Variants in DNAJC1 observed in about 807,000 individuals in gnomAD.
DNAJC1 encodes DnaJ heat shock protein family (Hsp40) member C1.
DNAJC1 carries 58 observed loss-of-function variants against 76.6 expected under a neutral mutation model. The observed-to-expected ratio is 0.76, with a 90% CI of 0.61 to 0.94. The LOEUF (loss-of-function observed/expected upper bound fraction) is 0.94. Ranked by LOEUF, DNAJC1 falls within the 40% of genes least tolerant of loss-of-function variation. DNAJC1 has a pLI of 0.00. For missense variants in DNAJC1, 689 were observed against 677.3 expected (o/e 1.02, Z -0.19); for synonymous variants, 258 against 267.9 (o/e 0.96, Z 0.36).
intron 8 of DNAJC1, among the ~76,000 whole-genome samples, chr10:21,832,057 T>C (rs1344182983): frequency 6.6e-6 from 1 of 151,932 alleles, no homozygotes; most frequent in Non-Finnish European, 1.5e-5. Flanking sequence ...GAACAAGCAA[T>C]GACAGAAAAC....
At chr10:21,799,606 T>G (rs1365774838) in intron 9 of DNAJC1, among the ~76,000 whole-genome samples, 1 of 152,104 alleles carries the variant, frequency 6.6e-6, no homozygotes, top group African/African-American at 2.4e-5. Context: ...CTTTGCCTTT[T>G]TTTTCTTTTC....
At chr10:21,974,260 C>A (rs1838028564) in intron 1 of DNAJC1, among the ~76,000 whole-genome samples, 1 of 152,098 alleles carries the variant, frequency 6.6e-6, no homozygotes, top group Non-Finnish European at 1.5e-5. Flanking sequence ...GGAATTTTCA[C>A]CCTCAAGAAC....
At chr10:21,823,876 A>G (rs1196916797) in intron 8 of DNAJC1, among the ~76,000 whole-genome samples, 1 of 152,192 alleles carries the variant, frequency 6.6e-6, no homozygotes, top group Non-Finnish European at 1.5e-5. Flanking sequence ...TATAAACTAT[A>G]TCAGTCTATA....
chr10:21,791,281 C>T (rs1834683216), intron 9 of DNAJC1, among the ~76,000 whole-genome samples: 1 of 152,108 alleles, frequency 6.6e-6, no homozygotes, highest in African/African-American at 2.4e-5. Flanking sequence ...GACTCCAATA[C>T]AACAACAGTT....
chr10:21,940,275 T>A (rs1052769580), intron 1 of DNAJC1, among the ~76,000 whole-genome samples: 1 of 152,208 alleles, frequency 6.6e-6, no homozygotes, highest in Non-Finnish European at 1.5e-5. Context: ...AGTCTGGGCT[T>A]CTATGGCCAA....
intron 1 of DNAJC1, among the ~76,000 whole-genome samples, chr10:21,950,517 A>G (rs1837577090): frequency 6.6e-6 from 1 of 152,140 alleles, no homozygotes; most frequent in Non-Finnish European, 1.5e-5. Flanking sequence ...ATAACCCTAC[A>G]GTGATCTCTA....
intron 3 of DNAJC1, among the ~76,000 whole-genome samples, chr10:21,924,803 T>C (rs1472678063): frequency 1.3e-5 from 2 of 152,218 alleles, no homozygotes; most frequent in Non-Finnish European, 2.9e-5. Flanking sequence ...CTATGTTGTA[T>C]AGCTTCTACA....
chr10:21,810,235 T>C (rs1241910121), intron 8 of DNAJC1, among the ~76,000 whole-genome samples: 7 of 152,158 alleles, frequency 4.6e-5, no homozygotes, highest in African/African-American at 1.7e-4. Context: ...ATTCACTGAA[T>C]TTATACAATA....
At chr10:21,892,722 C>T (rs1004619906) in intron 7 of DNAJC1, among the ~76,000 whole-genome samples, 3 of 151,626 alleles carry the variant, frequency 2.0e-5, no homozygotes, top group African/African-American at 4.8e-5. Context: ...CAAAAGAAAG[C>T]AGCAGTAGTT....
chr10:21,967,915 A>T (rs1268272245), intron 1 of DNAJC1, among the ~76,000 whole-genome samples: 2 of 152,234 alleles, frequency 1.3e-5, no homozygotes, highest in Non-Finnish European at 2.9e-5. Flanking sequence ...ACCAACGTTC[A>T]AGGAAAGTTA....
rs11368985 is a variant in DNAJC1, at chr10:21,885,230, T to TA, written c.821-2792dup. Among the ~76,000 whole-genome samples the TA allele has an allele frequency of 8.9e-3, 1,347 of 151,208 alleles. 17 individuals carry two copies. Among genetic ancestry groups the TA allele is most frequent in the African/African-American group, 0.03 (1,238 of 41,332 alleles). ...GGGGTTGCAATCCTAATTTAAAGAT[T>TA]AAAAAACACAAAAAAAGGGCAATAC... On this transcript the variant is annotated intron_variant, in intron 7 of 11. Transcript: ENST00000376980.
At chr10:21,812,383 A>G (rs922075759) in intron 8 of DNAJC1, among the ~76,000 whole-genome samples, 1 of 152,012 alleles carries the variant, frequency 6.6e-6, no homozygotes, top group Non-Finnish European at 1.5e-5. Flanking sequence ...ATATCTTCAC[A>G]TGTGCTTACT....
intron 9 of DNAJC1, among the ~76,000 whole-genome samples, chr10:21,801,753 T>C (rs528995088): frequency 3.3e-5 from 5 of 151,838 alleles, no homozygotes; most frequent in African/African-American, 9.6e-5. Context: ...CCATTAATGA[T>C]AGATAGTATA....
At chr10:21,807,251 A>C (rs998444540) in intron 8 of DNAJC1, among the ~76,000 whole-genome samples, 3 of 152,190 alleles carry the variant, frequency 2.0e-5, no homozygotes, top group Non-Finnish European at 2.9e-5. Flanking sequence ...GCATTACAGA[A>C]CCATCAGCAC....
At chr10:21,958,889 G>C (rs1335601930) in intron 1 of DNAJC1, among the ~76,000 whole-genome samples, 1 of 151,890 alleles carries the variant, frequency 6.6e-6, no homozygotes, top group Non-Finnish European at 1.5e-5. Context: ...TGTTCATTTG[G>C]TAAGAACATT....
chr10:21,889,185 C>G (rs1836419625), intron 7 of DNAJC1, among the ~76,000 whole-genome samples: 1 of 152,046 alleles, frequency 6.6e-6, no homozygotes. Context: ...GAACAGGTGT[C>G]TTACATGGCA....
At chr10:21,851,894 A>T (rs1259138447) in intron 8 of DNAJC1, among the ~76,000 whole-genome samples, 2 of 151,760 alleles carry the variant, frequency 1.3e-5, no homozygotes, top group Non-Finnish European at 2.9e-5. Flanking sequence ...CTCTACTAAA[A>T]ATACAAAAAA....
chr10:21,933,107 A>G (rs1358367376), intron 1 of DNAJC1: 2 of 152,262 alleles, frequency 1.3e-5, no homozygotes, highest in African/African-American at 2.4e-5. Context: ...AATGTTATAT[A>G]GTAAGCTAAG....
intron 9 of DNAJC1, among the ~76,000 whole-genome samples, chr10:21,766,920 A>G (rs1834306869): frequency 6.6e-6 from 1 of 150,638 alleles, no homozygotes; most frequent in Non-Finnish European, 1.5e-5. Flanking sequence ...CAGTAAGCTG[A>G]CATTGCACCA....
Sources: allele counts gnomAD v4.1 joint callset (sites outside exome capture counted in the v4.1 genomes callset), GRCh38; gene constraint gnomAD v4.1.1; transcripts MANE v1.5; gene names NCBI Gene and HGNC (gene_info 2026-07-23, HGNC 2026-07-21).